Variants in FLT4 observed in about 807,000 individuals in gnomAD.
FLT4 encodes the protein fms related receptor tyrosine kinase 4.
A neutral mutation model predicts 163.2 loss-of-function variants in FLT4; 30 were observed. That is an observed-to-expected ratio of 0.18 (90% confidence interval 0.14 to 0.25). FLT4 has a LOEUF of 0.25. FLT4 is among the 10% of genes least tolerant of loss of function. FLT4 has a pLI of 1.00. For missense variants in FLT4, 1,510 were observed against 1,863.8 expected (o/e 0.81, Z 3.50); for synonymous variants, 884 against 789.5 (o/e 1.12, Z -2.01).
rs1026325361 is a variant in FLT4, at chr5:180,636,856, G to T, written c.59-5078C>A. 1.9e-4 allele frequency among the ~76,000 whole-genome samples: 29 copies of T among 151,638 alleles called. No homozygotes were observed. The highest frequency in any genetic ancestry group is 3.4e-3 in the Middle Eastern group (1 of 294). On this transcript the variant is annotated intron_variant, in intron 1 of 29. Transcript: ENST00000261937. The surrounding 1 kb of genome is among the most constrained non-coding windows in gnomAD (Gnocchi z 4.3). ...TCCCGGTGCTGCCCCGTCCTGGTGCGTGGGGTCCGCAGCCGCCTCTCTGCA... is the reference window on the plus strand; with the variant it reads ...TCCCGGTGCTGCCCCGTCCTGGTGCTTGGGGTCCGCAGCCGCCTCTCTGCA...
rs551371042 is a variant in FLT4 at position 180,602,422 on chromosome 5, A to C, written c.*770T>G. ...GCGGGGGTCAGAGTCATCTAGACTC[A>C]GTACAGCTGTCCCTGGGCGCCTTCC... is the stretch of plus-strand genomic sequence containing the variant. On this transcript the variant is annotated 3_prime_UTR_variant, in exon 30 of 30. Transcript: ENST00000261937. 6 of 384,076 alleles carry C rather than the reference A, an allele frequency of 1.6e-5. No individual in the cohort carries two copies. In the Admixed American group the frequency reaches 2.7e-4, roughly 17 times the overall value. The allele number at this position is 384,076 out of a possible 1,614,324, so 23.8% of individuals were successfully genotyped here. A position where few individuals can be genotyped will look rare whatever the true frequency, so the allele number is the denominator to read the frequency against.
chr5:180,613,052 G>A lies in FLT4; in HGVS notation c.3390C>T (p.Asp1130=), dbSNP rs745930120. Residue 1130 remains aspartate, a synonymous_variant, in exon 25 of 30, where the codon GAC becomes GAT. Transcript: ENST00000261937. ...GCTCCGGGGCCCTCATCCTTGTGCC[G>A]TCTCTCAGCCGCTGGCAGAACTCCT... The part of the protein sequence containing the change: ...INEEFCQRLR[D]GTRMRAPELA... 45 of 1,613,478 alleles carry A rather than the reference G, an allele frequency of 2.8e-5. No homozygotes were observed. The highest frequency in any genetic ancestry group is 3.3e-5 in the Admixed American group (2 of 59,952).
At chr5:180,622,040 GC>G in intron 12 of FLT4, 136 bp from the exon 13 acceptor site, 3 of 973,308 alleles carry the variant, frequency 3.1e-6, no homozygotes, top group Non-Finnish European at 4.5e-6. Context: ...CTTGCCCCCC[GC>G]CCCACCAAAA....
chr5:180,610,593 G>A (rs952683695), intron 27 of FLT4, among the ~76,000 whole-genome samples: 1 of 152,206 alleles, frequency 6.6e-6, no homozygotes, highest in African/African-American at 2.4e-5. Flanking sequence ...CCTGGGCAGA[G>A]TTCCGGGAAT....
At position 180,620,160 on chromosome 5, in the gene FLT4, G is replaced by T; in HGVS notation, c.2542+13C>A. The T allele has an allele frequency of 6.2e-7, 1 of 1,603,652 alleles. No homozygotes were observed. On this transcript the variant is annotated intron_variant, in intron 17 of 29. Transcript: ENST00000261937. This position sits in a 1 kb window ranked among gnomAD's most constrained non-coding sequence, Gnocchi z 4.4. ...CAGGAGGTGTGGGTTGGGCAGGCTG[G>T]TGCTGGCCTCACCCAGGTGCAGCCG...
chr5:180,612,850 C>G (rs1263991233), intron 25 of FLT4, among the ~76,000 whole-genome samples, 161 bp downstream of exon 25: 1 of 152,166 alleles, frequency 6.6e-6, no homozygotes, highest in Admixed American at 6.5e-5. Context: ...CTGGTGTCCT[C>G]CTGGTGCAGC....
chr5:180,619,362 G>A lies in FLT4; in HGVS notation c.2652C>T (p.Gly884=). 6.2e-7 allele frequency: 1 copy of A among 1,607,364 alleles called. No individual in the cohort carries two copies. The highest frequency in any genetic ancestry group is 1.3e-5 in the African/African-American group (1 of 74,934). ...DTVAVKMLKE[G]ATASEHRALM... The stretch of plus-strand genomic sequence containing the variant: ...GCGCGCGGTGCTCGCTGGCCGTGGC[G>A]CCCTCTGGAGGGGACACGGGCCTCA... The change falls in exon 19 of 30, where the codon GGC becomes GGT. Residue 884 remains glycine (G), a synonymous_variant. Transcript: ENST00000261937.
rs1763978212 is a variant in FLT4, at chr5:180,630,184, G to A, written c.513+41C>T. 6.2e-7 allele frequency: 1 copy of A among 1,603,026 alleles called. No individual in the cohort carries two copies. On this transcript the variant is annotated intron_variant, in intron 4 of 29. Coordinates refer to ENST00000261937, the MANE Select transcript of FLT4 (RefSeq NM_182925.5). This position sits in a 1 kb window ranked among gnomAD's most constrained non-coding sequence, Gnocchi z 6.3. ...CAGGCGGCCGCCTTTCCCAGGGGTG[G>A]GATGGGAGGGTCGGATGCTGGGGTT... is the stretch of plus-strand genomic sequence containing the variant.
rs747401546 is a variant in FLT4, at chr5:180,624,059, C to A, written c.1424G>T (p.Arg475Leu). ...CATGAGGTCTTGCTGCTGCCGCCGC[C>A]GGCTGCCAGGACCAGAAGAGGCAAG... The part of the protein sequence containing the change: ...PCKMFAQRSL[R>L]RRQQQDLMPQ... The change falls in exon 11 of 30, where the codon CGG becomes CTG. Residue 475 changes from arginine (R) to leucine (L), a missense_variant and splice_region_variant. This residue lies in a region of FLT4 where 878 missense variants were observed against 1,016.7 expected (regional missense o/e 0.86). Transcript: ENST00000261937. 2 of 1,611,874 alleles carry A rather than the reference C, an allele frequency of 1.2e-6. No homozygotes were observed. Among genetic ancestry groups the A allele is most frequent in the Non-Finnish European group, 1.7e-6 (2 of 1,179,944 alleles).
chr5:180,630,863 G>A lies in FLT4; in HGVS notation c.156-64C>T. The A allele has an allele frequency of 6.6e-7, 1 of 1,519,394 alleles. No homozygotes were observed. The highest frequency in any genetic ancestry group is 8.8e-7 in the Non-Finnish European group (1 of 1,135,778). 94.1% of individuals were successfully genotyped at this position (1,519,394 alleles called of 1,614,324 possible). ...AGCCCATGGGGACTGTCCCTGAGAA[G>A]CCTCCCTCAGGCCGAGCCTCACCAG... On this transcript the variant is annotated intron_variant, in intron 2 of 29. Coordinates refer to ENST00000261937, the MANE Select transcript of FLT4 (RefSeq NM_182925.5). The surrounding 1 kb of genome is among the most constrained non-coding windows in gnomAD (Gnocchi z 6.3).
At chr5:180,632,529 C>T (rs958072936) in intron 1 of FLT4, among the ~76,000 whole-genome samples, 4 of 152,148 alleles carry the variant, frequency 2.6e-5, no homozygotes, top group Non-Finnish European at 4.4e-5. Flanking sequence ...AGACTGTAGG[C>T]TGGCCGGGCT....
In FLT4 at chr5:180,603,259, T is replaced by C. The variant is rs1051858320; in HGVS notation, c.4025A>G (p.Glu1342Gly). Reference sequence around the variant, plus strand: ...GGAGCAGTGGTCCTCCTCGCTTGGCTCCGACAGCTCCCCATACTCGCTGTT... The same window carrying C: ...GGAGCAGTGGTCCTCCTCGCTTGGCCCCGACAGCTCCCCATACTCGCTGTT... ...FYNSEYGELSEPSEEDHCSPS... is the reference protein window; with the variant it reads ...FYNSEYGELSGPSEEDHCSPS... The change falls in exon 30 of 30, where the codon GAG (glutamate) becomes GGG (glycine). Residue 1342 changes from glutamate to glycine, a missense_variant. Coordinates refer to ENST00000261937, the MANE Select transcript of FLT4 (RefSeq NM_182925.5). 10 of 1,614,196 alleles carry C rather than the reference T, an allele frequency of 6.2e-6. No individual in the cohort carries two copies. Among genetic ancestry groups the C allele is most frequent in the Non-Finnish European group, 8.5e-6 (10 of 1,180,044 alleles).
intron 29 of FLT4, chr5:180,608,262 T>TTC (rs936344420): frequency 4.3e-6 from 3 of 700,782 alleles, no homozygotes; most frequent in Non-Finnish European, 7.8e-6. Context: ...GTATGCTGCC[T>TTC]TCTCTCTCTC....
At chr5:180,632,599 GGTGTGTGTGTGTGTGTGTGTGTGT>G (rs36217296) in intron 1 of FLT4, among the ~76,000 whole-genome samples, 3 of 150,604 alleles carry the variant, frequency 2.0e-5, no homozygotes, top group Non-Finnish European at 3.0e-5. Flanking sequence ...CCCGTGAGGT[GGTGTGTGTGTGTGTGTGTGTGTGT>G]GTGTGTGTGT....
chr5:180,610,917 C>T (rs537627372), intron 27 of FLT4, among the ~76,000 whole-genome samples: 2 of 152,266 alleles, frequency 1.3e-5, no homozygotes, highest in African/African-American at 4.8e-5. Flanking sequence ...ATTAGCCAGG[C>T]GTGGTGGCGG....
chr5:180,629,909 C>T (rs1377149192), intron 5 of FLT4, 34 bp downstream of exon 5: 4 of 1,612,482 alleles, frequency 2.5e-6, no homozygotes, highest in East Asian at 4.5e-5. Flanking sequence ...GCAGTGACAG[C>T]CCCGTTACTG....
intron 19 of FLT4, 32 bp from the exon 20 acceptor site, chr5:180,619,141 CG>C: frequency 6.9e-7 from 1 of 1,447,280 alleles, no homozygotes; most frequent in Non-Finnish European, 9.1e-7. Context: ...GCCGTGCGTT[CG>C]GAACCCGGGG....
At chr5:180,648,141 C>T (rs1295769379) in intron 1 of FLT4, among the ~76,000 whole-genome samples, 1 of 152,204 alleles carries the variant, frequency 6.6e-6, no homozygotes, top group East Asian at 1.9e-4. Context: ...ACCAGCCACT[C>T]GACAAATACA....
At chr5:180,639,540 T>G (rs1281122295) in intron 1 of FLT4, among the ~76,000 whole-genome samples, 1 of 149,782 alleles carries the variant, frequency 6.7e-6, no homozygotes, top group Non-Finnish European at 1.5e-5. Context: ...GGTGGAAAGG[T>G]GGGCATATGG....
Sources: allele counts gnomAD v4.1 joint callset (sites outside exome capture counted in the v4.1 genomes callset), GRCh38; gene constraint gnomAD v4.1.1; regional missense constraint gnomAD v4.1.1; non-coding constraint Gnocchi (gnomAD v3.1); transcripts MANE v1.5; gene names NCBI Gene and HGNC (gene_info 2026-07-23, HGNC 2026-07-21).